Variants in MOB1A observed in about 807,000 individuals in gnomAD.
MOB1A encodes the protein MOB kinase activator 1A.
Under a neutral mutation model 25.1 loss-of-function variants are expected in MOB1A, and 10 were observed. The observed-to-expected ratio is 0.40, with a 90% confidence interval of 0.25 to 0.68. MOB1A has a LOEUF of 0.68. Among genes scored for constraint, MOB1A ranks in the 30% least tolerant of loss-of-function variants. MOB1A has a pLI of 0.40. For synonymous variants in MOB1A, 81 were observed against 79.5 expected (o/e 1.02, Z -0.10); for missense variants, 177 against 256.3 (o/e 0.69, Z 2.11).
At chr2:74,177,835 C>T (rs1693518393) in intron 1 of MOB1A, among the ~76,000 whole-genome samples, 1 of 152,172 alleles carries the variant, frequency 6.6e-6, no homozygotes, top group Non-Finnish European at 1.5e-5. Flanking sequence ...TGTGCCAGAG[C>T]AATGCTTCTC....
At chr2:74,166,492 A>C (rs1693132008) in intron 3 of MOB1A, among the ~76,000 whole-genome samples, 1 of 152,242 alleles carries the variant, frequency 6.6e-6, no homozygotes. Context: ...ACTATGATGC[A>C]ACATAAAAAT....
At chr2:74,169,553 C>A (rs1366082811) in intron 2 of MOB1A, among the ~76,000 whole-genome samples, 1 of 152,048 alleles carries the variant, frequency 6.6e-6, no homozygotes, top group Non-Finnish European at 1.5e-5. Context: ...TAATTTCCAA[C>A]AGAGTATCAC....
intron 4 of MOB1A, among the ~76,000 whole-genome samples, chr2:74,159,596 C>T (rs1271364503): frequency 1.3e-5 from 2 of 152,022 alleles, no homozygotes; most frequent in African/African-American, 4.8e-5. Flanking sequence ...AAAGTTTACA[C>T]ACTGCCATGA....
chr2:74,161,862 T>A (rs111327118), intron 4 of MOB1A, among the ~76,000 whole-genome samples: 1 of 151,666 alleles, frequency 6.6e-6, no homozygotes, highest in African/African-American at 2.4e-5. Context: ...GTGGCTGATG[T>A]AGAAGGACCA....
chr2:74,172,614 C>T lies in MOB1A; in HGVS notation c.153G>A (p.Glu51=). 1 of 1,613,590 alleles carries T rather than the reference C, an allele frequency of 6.2e-7. No homozygotes were observed. Among genetic ancestry groups the T allele is most frequent in the Non-Finnish European group, 8.5e-7 (1 of 1,179,752 alleles). ...TCACAGCAATCCATTCATTGAGATC[C>T]TCTCCCTCAGGCAACATAACAGCTT... ...LRQAVMLPEG[E]DLNEWIAVNT... The change falls in exon 2 of 6, where the codon GAG becomes GAA. Residue 51 remains glutamate (E), a synonymous_variant. Transcript: ENST00000396049.
chr2:74,166,919 C>T (rs896216551), intron 3 of MOB1A, 95 bp downstream of exon 3: 22 of 894,986 alleles, frequency 2.5e-5, no homozygotes, highest in Non-Finnish European at 3.7e-5. Context: ...ATCACCTTCA[C>T]ACAAACGGAT....
chr2:74,156,803 CT>C (rs766417864), intron 5 of MOB1A, among the ~76,000 whole-genome samples, 158 bp from the exon 6 acceptor site: 30 of 149,056 alleles, frequency 2.0e-4, no homozygotes, highest in African/African-American at 5.1e-4. Flanking sequence ...TATTCTTTTT[CT>C]TTTTTTTTTC....
At chr2:74,168,528 AGCT>A (rs1480120721) in intron 2 of MOB1A, among the ~76,000 whole-genome samples, 6 of 152,194 alleles carry the variant, frequency 3.9e-5, no homozygotes, top group African/African-American at 7.2e-5. Context: ...CTGTAGTCCC[AGCT>A]ACTCAGGACG....
chr2:74,169,692 G>A (rs1410478934), intron 2 of MOB1A, among the ~76,000 whole-genome samples: 6 of 150,554 alleles, frequency 4.0e-5, no homozygotes, highest in Non-Finnish European at 7.4e-5. Context: ...GCAGTGGTGC[G>A]ATCTTGGCTC....
chr2:74,158,051 G>A (rs561893467), intron 5 of MOB1A, among the ~76,000 whole-genome samples: 2 of 151,874 alleles, frequency 1.3e-5, no homozygotes, highest in East Asian at 3.9e-4. Context: ...GTGGTGGCAG[G>A]TGCCTATAAT....
chr2:74,157,002 T>C (rs950928966), intron 5 of MOB1A, among the ~76,000 whole-genome samples: 2 of 151,212 alleles, frequency 1.3e-5, no homozygotes, highest in African/African-American at 4.9e-5. Context: ...TCCTTTTTCT[T>C]TACACACAGC....
At chr2:74,173,948 C>CAAAAAAAA (rs773447145) in intron 1 of MOB1A, among the ~76,000 whole-genome samples, 17 of 56,170 alleles carry the variant, frequency 3.0e-4, no homozygotes, top group African/African-American at 1.1e-3. Context: ...AACTCCGTCT[C>CAAAAAAAA]AAAAAAAAAA....
chr2:74,161,648 C>CAA (rs775202170), intron 4 of MOB1A, among the ~76,000 whole-genome samples: 6 of 102,032 alleles, frequency 5.9e-5, no homozygotes, highest in Admixed American at 2.1e-4. Flanking sequence ...GACTCCGCCT[C>CAA]AAAAAAAAAA....
At chr2:74,160,260 T>A (rs545190460) in intron 4 of MOB1A, among the ~76,000 whole-genome samples, 1 of 152,048 alleles carries the variant, frequency 6.6e-6, no homozygotes, top group Non-Finnish European at 1.5e-5. Flanking sequence ...AGTGGACAGA[T>A]TGCCTGAGCT....
chr2:74,168,240 CA>C (rs1349890762), intron 2 of MOB1A, among the ~76,000 whole-genome samples: 1 of 152,154 alleles, frequency 6.6e-6, no homozygotes, highest in Non-Finnish European at 1.5e-5. Context: ...TGGAAGTAGT[CA>C]GGGGGTACTT....
chr2:74,165,257 C>T lies in MOB1A; in HGVS notation c.370G>A (p.Asp124Asn). ...AAAAGAGTTTCATCATCAAGCTGAT[C>T]TTGAACCCAAGTCATCAAATAGTCA... ...YIDYLMTWVQ[D>N]QLDDETLFPS... is the part of the protein sequence containing the mutation. Residue 124 changes from aspartate to asparagine, a missense_variant, in exon 4 of 6, where the codon GAT (aspartate) becomes AAT (asparagine). Transcript: ENST00000396049. 2 of 1,569,062 alleles carry T rather than the reference C, an allele frequency of 1.3e-6. No homozygotes were observed. Among genetic ancestry groups the T allele is most frequent in the Non-Finnish European group, 1.7e-6 (2 of 1,155,388 alleles).
At chr2:74,176,689 G>A (rs570551997) in intron 1 of MOB1A, among the ~76,000 whole-genome samples, 11 of 151,688 alleles carry the variant, frequency 7.3e-5, no homozygotes, top group African/African-American at 1.9e-4. Context: ...GCGTGAACCC[G>A]GGAGGCGGAG....
At chr2:74,173,265 C>T in intron 1 of MOB1A, 2 of 505,728 alleles carry the variant, frequency 4.0e-6, no homozygotes, top group South Asian at 2.9e-5. Flanking sequence ...GGCAATTTTA[C>T]TATGCCCTCT....
At chr2:74,160,885 C>G (rs1037255264) in intron 4 of MOB1A, among the ~76,000 whole-genome samples, 1 of 151,934 alleles carries the variant, frequency 6.6e-6, no homozygotes, top group Non-Finnish European at 1.5e-5. Flanking sequence ...ATGGTGAAAC[C>G]CTGTCTCTAC....
Sources: gnomAD v4.1 joint callset for allele counts (sites outside exome capture counted in the v4.1 genomes callset) on GRCh38, gnomAD v4.1.1 for gene constraint, MANE v1.5 for transcripts, NCBI Gene and HGNC (gene_info 2026-07-23, HGNC 2026-07-21) for gene names.